MAD1L1: variants seen among roughly 807,000 people sequenced by gnomAD.
MAD1L1 encodes mitotic arrest deficient 1 like 1.
A neutral mutation model predicts 96.9 loss-of-function variants in MAD1L1; 95 were observed. The observed-to-expected ratio is 0.98, with a 90% CI of 0.83 to 1.16. The LOEUF is 1.16. MAD1L1 is among the 50% of genes most tolerant of loss of function. The probability of loss-of-function intolerance (pLI) is 0.00; values close to 1 mark genes in which losing one functional copy is unlikely to be tolerated. For missense variants in MAD1L1, 1,007 were observed against 954.4 expected (o/e 1.06, Z -0.73); for synonymous variants, 473 against 396.6 (o/e 1.19, Z -2.29).
rs936073696 is a variant in MAD1L1 at position 2,142,726 on chromosome 7, C to A, written c.1073+6426G>T. Among the ~76,000 whole-genome samples the A allele has an allele frequency of 6.6e-6, 1 of 152,256 alleles. No individual in the cohort carries two copies. The highest frequency in any genetic ancestry group is 1.5e-5 in the Non-Finnish European group (1 of 68,042). On this transcript the variant is annotated intron_variant, in intron 11 of 18. Transcript: ENST00000265854. The surrounding 1 kb of genome is among the most constrained non-coding windows in gnomAD (Gnocchi z 4.7). The stretch of plus-strand genomic sequence containing the variant: ...GAGTGGCGCCAAAGCCGAACGGACG[C>A]AACAAGGCCTCTGGCCATGTCAAAC...
At chr7:1,888,847 G>A (rs968299581) in intron 18 of MAD1L1, among the ~76,000 whole-genome samples, 8 of 152,340 alleles carry the variant, frequency 5.3e-5, no homozygotes, top group Non-Finnish European at 8.8e-5. Flanking sequence ...CCATGTGTCA[G>A]TGGGAGCGTG....
At chr7:2,167,588 G>A (rs1040792206) in intron 10 of MAD1L1, among the ~76,000 whole-genome samples, 4 of 151,856 alleles carry the variant, frequency 2.6e-5, no homozygotes, top group East Asian at 1.9e-4. Context: ...AAAATTAGCC[G>A]TGCATGGTGG....
intron 11 of MAD1L1, among the ~76,000 whole-genome samples, chr7:2,117,671 A>G (rs1356859742): frequency 6.6e-6 from 1 of 152,040 alleles, no homozygotes; most frequent in Non-Finnish European, 1.5e-5. Context: ...TTCCACTATG[A>G]TTGTCATTTT....
intron 14 of MAD1L1, among the ~76,000 whole-genome samples, chr7:1,983,146 GCGCGCGCGCACACACA>G (rs1227331860): frequency 0.02 from 2,636 of 130,956 alleles, 32 homozygotes; most frequent in Non-Finnish European, 0.028. Flanking sequence ...GCGCGCGCGC[GCGCGCGCGCACACACA>G]CACACACACA....
chr7:1,833,732 G>A (rs1240214139), intron 18 of MAD1L1, among the ~76,000 whole-genome samples: 1 of 152,224 alleles, frequency 6.6e-6, no homozygotes. Context: ...CCTGAGATCA[G>A]GAGTTCGAGA....
At chr7:2,195,373 C>T (rs891751763) in intron 10 of MAD1L1, among the ~76,000 whole-genome samples, 2 of 152,140 alleles carry the variant, frequency 1.3e-5, no homozygotes, top group South Asian at 2.1e-4. Flanking sequence ...TAATAAAAGG[C>T]AAAATACTCC....
chr7:1,878,705 C>T (rs1785513604), intron 18 of MAD1L1, among the ~76,000 whole-genome samples: 3 of 149,492 alleles, frequency 2.0e-5, no homozygotes, highest in Middle Eastern at 3.4e-3. Flanking sequence ...TGCTTTCTCG[C>T]TAGCATCAGA....
At position 1,955,896 on chromosome 7, in the gene MAD1L1, G is replaced by C. The variant is rs920115243; in HGVS notation, c.1596+1733C>G. ...CCTAAGTAGCTGGGCAGGCTGATAA[G>C]AACAGATGAAACGAACTATTTTGCA... On this transcript the variant is annotated intron_variant, in intron 16 of 18. Transcript: ENST00000265854. Among the ~76,000 whole-genome samples the C allele has an allele frequency of 1.1e-4, 16 of 148,506 alleles. No individual in the cohort carries two copies. The East Asian group carries it at 3.2e-3, about 30-fold the overall frequency.
chr7:2,073,721 TA>T (rs1192506981), intron 11 of MAD1L1, among the ~76,000 whole-genome samples: 1 of 152,150 alleles, frequency 6.6e-6, no homozygotes, highest in Non-Finnish European at 1.5e-5. Context: ...GACAGAGGCA[TA>T]GGGGCGTGGG....
At chr7:1,930,593 C>T (rs78443464) in intron 17 of MAD1L1, among the ~76,000 whole-genome samples, 19,985 of 136,224 alleles carry the variant, frequency 0.15, 2,263 homozygotes, top group Middle Eastern at 0.23. Context: ...CCCTCGCCCA[C>T]CCCACTGCCA....
At chr7:2,052,500 T>G (rs10256863) in intron 12 of MAD1L1, among the ~76,000 whole-genome samples, 2 of 147,262 alleles carry the variant, frequency 1.4e-5, no homozygotes, top group Non-Finnish European at 3.0e-5. Flanking sequence ...GGGAGGGGGC[T>G]GGACACTCAC....
At chr7:2,128,863 C>T (rs1788367780) in intron 11 of MAD1L1, among the ~76,000 whole-genome samples, 1 of 152,226 alleles carries the variant, frequency 6.6e-6, no homozygotes, top group South Asian at 2.1e-4. Context: ...GCTCACACTG[C>T]AGTCTCTCTG....
At chr7:2,160,069 A>G (rs550159895) in intron 10 of MAD1L1, among the ~76,000 whole-genome samples, 2 of 151,826 alleles carry the variant, frequency 1.3e-5, no homozygotes, top group African/African-American at 2.4e-5. Context: ...CTCTGCAAAA[A>G]AAATACAAAA....
intron 13 of MAD1L1, among the ~76,000 whole-genome samples, chr7:2,010,550 G>A (rs547614561): frequency 1.7e-4 from 26 of 152,320 alleles, no homozygotes; most frequent in African/African-American, 5.8e-4. Flanking sequence ...TCCCGCAGCC[G>A]CTTTATTAAA....
chr7:1,854,301 C>T, intron 18 of MAD1L1: 1 of 443,148 alleles, frequency 2.3e-6, no homozygotes, highest in South Asian at 1.6e-5. Context: ...CCAGCCCCAG[C>T]AGCGAGCGGA....
intron 18 of MAD1L1, among the ~76,000 whole-genome samples, chr7:1,891,017 C>T (rs575021107): frequency 1.3e-5 from 2 of 152,264 alleles, no homozygotes; most frequent in South Asian, 4.1e-4. Flanking sequence ...CGCCAGAAAG[C>T]GGGCTCTGCG....
chr7:1,901,692 A>C (rs1484935567), intron 17 of MAD1L1, among the ~76,000 whole-genome samples: 1 of 152,130 alleles, frequency 6.6e-6, no homozygotes, highest in Non-Finnish European at 1.5e-5. Context: ...CAAGGCTTTT[A>C]GGCCCTCTCC....
chr7:2,001,924 CCCG>C (rs1781813969), intron 14 of MAD1L1, 138 bp downstream of exon 14: 1 of 842,806 alleles, frequency 1.2e-6, no homozygotes, highest in African/African-American at 1.7e-5. Context: ...CACACCCTTC[CCCG>C]CTCAACGCAG....
chr7:1,964,451 G>A (rs769612374), intron 15 of MAD1L1, among the ~76,000 whole-genome samples: 6 of 152,216 alleles, frequency 3.9e-5, no homozygotes, highest in Admixed American at 6.5e-5. Context: ...GAAGGGGTGC[G>A]CTTTCTTCTG....
Sources: gnomAD v4.1 joint callset for allele counts (sites outside exome capture counted in the v4.1 genomes callset) on GRCh38, gnomAD v4.1.1 for gene constraint, Gnocchi (gnomAD v3.1) non-coding constraint, MANE v1.5 for transcripts, NCBI Gene and HGNC (gene_info 2026-07-23, HGNC 2026-07-21) for gene names.